The following STK36 variants were observed in gnomAD, a reference collection of about 807,000 sequenced individuals.
STK36 encodes serine/threonine-protein kinase 36.
Under a neutral mutation model 142.2 loss-of-function variants are expected in STK36, and 116 were observed. That is an observed-to-expected ratio of 0.82 (90% confidence interval 0.70 to 0.95). STK36 has a LOEUF of 0.95. Among genes scored for constraint, STK36 ranks in the 40% least tolerant of loss-of-function variants. The probability of loss-of-function intolerance (pLI) is 0.00; values close to 1 mark genes in which losing one functional copy is unlikely to be tolerated. For missense variants in STK36, 1,422 were observed against 1,617.2 expected (o/e 0.88, Z 2.07); for synonymous variants, 619 against 641.7 (o/e 0.96, Z 0.53).
rs1444290837 is a variant in STK36, at chr2:218,698,843, T to C, written c.3299T>C (p.Ile1100Thr). ...CTGTCTCCCAGCCACTTGTCCTTTA[T>C]CCAAGAGCTTCTGGCTGGCTCTGAT... ...RVLSPSHLSF[I>T]QELLAGSDES... Residue 1100 changes from isoleucine (I) to threonine (T), a missense_variant, in exon 26 of 27, where the codon ATC becomes ACC. Coordinates refer to ENST00000295709, the MANE Select transcript of STK36 (RefSeq NM_015690.5). 6.2e-7 allele frequency: 1 copy of C among 1,614,210 alleles called. No homozygotes were observed. The highest frequency in any genetic ancestry group is 1.7e-5 in the Admixed American group (1 of 60,030).
At chr2:218,686,619 G>A (rs773819159) in intron 11 of STK36, among the ~76,000 whole-genome samples, 3 of 152,194 alleles carry the variant, frequency 2.0e-5, no homozygotes, top group East Asian at 1.9e-4. Flanking sequence ...TTAGTATTCC[G>A]TTATATGGAT....
At chr2:218,701,810 A>G (rs1291201406) in intron 26 of STK36, 56 bp from the exon 27 acceptor site, 2 of 1,597,678 alleles carry the variant, frequency 1.3e-6, no homozygotes, top group Admixed American at 1.7e-5. Flanking sequence ...CCTGCCCCAG[A>G]CACCACCATT....
At chr2:218,672,982 A>G in intron 2 of STK36, 69 bp downstream of exon 2, 2 of 1,384,782 alleles carry the variant, frequency 1.4e-6, no homozygotes, top group Middle Eastern at 1.8e-4. Context: ...AAATGGATCT[A>G]GAAGGAATGT....
chr2:218,699,155 C>T lies in STK36; in HGVS notation c.3611C>T (p.Pro1204Leu). ...VPSMTQLLGD[P>L]QAGIRRNVAS... ...AGTATGACCCAGCTGCTTGGAGATC[C>T]TCAGGCTGGTATCCGGCGCAATGTT... Residue 1204 changes from proline to leucine, a missense_variant, in exon 26 of 27, where the codon CCT (proline) becomes CTT (leucine). Physicochemically the swap from Pro to Leu is moderately conservative, Grantham distance 98 (BLOSUM62 -3). Coordinates refer to ENST00000295709, the MANE Select transcript of STK36 (RefSeq NM_015690.5). 1 of 1,614,114 alleles carries T rather than the reference C, an allele frequency of 6.2e-7. No individual in the cohort carries two copies. Among genetic ancestry groups the T allele is most frequent in the Non-Finnish European group, 8.5e-7 (1 of 1,180,014 alleles).
intron 10 of STK36, among the ~76,000 whole-genome samples, chr2:218,681,129 G>GT (rs544336140): frequency 0.047 from 6,233 of 133,528 alleles, 386 homozygotes; most frequent in African/African-American, 0.15. Context: ...TACCACAATC[G>GT]TTTTTTTTTT....
At position 218,679,235 on chromosome 2, in the gene STK36, A is replaced by G. The variant is rs1940391115; in HGVS notation, c.752A>G (p.His251Arg). Residue 251 changes from histidine (H) to arginine (R), a missense_variant, in exon 7 of 27, where the codon CAC (histidine) becomes CGC (arginine). Coordinates refer to ENST00000295709, the MANE Select transcript of STK36 (RefSeq NM_015690.5). The part of the protein sequence containing the change: ...QRLSWPDLLY[H>R]PFIAGHVTII... The stretch of plus-strand genomic sequence containing the variant: ...CTGTCCTGGCCAGACCTCTTATATC[A>G]CCCCTTTATTGCTGGTCATGTCACC... The G allele has an allele frequency of 6.8e-6, 11 of 1,613,932 alleles. No individual in the cohort carries two copies. Among genetic ancestry groups the G allele is most frequent in the South Asian group, 4.4e-5 (4 of 91,074 alleles).
intron 10 of STK36, chr2:218,684,840 A>G (rs1940706494): frequency 2.5e-6 from 1 of 402,950 alleles, no homozygotes; most frequent in African/African-American, 2.0e-5. Flanking sequence ...ACCATGCTGC[A>G]GCGGACGTCT....
intron 22 of STK36, 91 bp downstream of exon 22, chr2:218,696,692 C>A: frequency 3.1e-6 from 4 of 1,303,812 alleles, no homozygotes; most frequent in African/African-American, 1.5e-5. Context: ...AAGAAGCAAC[C>A]CACAGCCTTC....
At chr2:218,695,295 G>A (rs574607523) in intron 21 of STK36, among the ~76,000 whole-genome samples, 99 of 141,904 alleles carry the variant, frequency 7.0e-4, no homozygotes, top group African/African-American at 2.5e-3. Flanking sequence ...GCGCGATCTC[G>A]GCTCACCGCA....
At position 218,692,609 on chromosome 2, in the gene STK36, C is replaced by T. The variant is rs1451071700; in HGVS notation, c.1942C>T (p.Arg648Ter). 1.2e-5 allele frequency: 20 copies of T among 1,613,168 alleles called. No homozygotes were observed. The highest frequency in any genetic ancestry group is 1.3e-5 in the African/African-American group (1 of 74,920). ...QGAPQVSQPLREQSEDIPGAI... is the reference protein window; with the variant it reads ...QGAPQVSQPL ...AGCCCCGCAAGTGAGCCAGCCACTG[C>T]GAGAGCAGAGTGAGGATATACCTGG... The change falls in exon 16 of 27, where the codon CGA becomes TGA. Residue 648 changes from arginine (R) to a stop codon, truncating the protein, a stop_gained. Coordinates refer to ENST00000295709, the MANE Select transcript of STK36 (RefSeq NM_015690.5). LOFTEE classifies it high-confidence loss of function.
chr2:218,692,795 A>AAAG (rs749513675), intron 16 of STK36, 85 bp downstream of exon 16: 9 of 1,493,580 alleles, frequency 6.0e-6, no homozygotes, highest in Non-Finnish European at 8.0e-6. Flanking sequence ...AAGGCAGAAA[A>AAAG]ACAAGCTTTT....
rs1940003877 is a variant in STK36, at chr2:218,672,090, G to T, written c.-215G>T. On this transcript the variant is annotated 5_prime_UTR_variant, in exon 1 of 27. Transcript: ENST00000295709. ...AACCGCAGACTCCGGGTCCTTAGCC[G>T]GGCCTGATGGCCCTGAGGCAGTTCG... The T allele has an allele frequency of 1.6e-6, 2 of 1,272,040 alleles. No homozygotes were observed. The highest frequency in any genetic ancestry group is 2.5e-5 in the East Asian group (1 of 40,368). 78.8% of individuals were successfully genotyped at this position (1,272,040 alleles called of 1,614,324 possible).
At chr2:218,681,073 C>T (rs1023803533) in intron 10 of STK36, among the ~76,000 whole-genome samples, 10 of 150,744 alleles carry the variant, frequency 6.6e-5, no homozygotes, top group African/African-American at 2.2e-4. Context: ...ATCATACCTC[C>T]TTCACTGTAT....
At chr2:218,675,848 C>G (rs1293966483) in intron 5 of STK36, among the ~76,000 whole-genome samples, 181 bp from the exon 6 acceptor site, 2 of 152,118 alleles carry the variant, frequency 1.3e-5, no homozygotes, top group African/African-American at 4.8e-5. Flanking sequence ...AGACCATACT[C>G]TTGACTTATT....
chr2:218,675,451 G>A lies in STK36; in HGVS notation c.412G>A (p.Gly138Ser). 6.2e-7 allele frequency: 1 copy of A among 1,612,940 alleles called. No individual in the cohort carries two copies. Among genetic ancestry groups the A allele is most frequent in the Non-Finnish European group, 8.5e-7 (1 of 1,179,736 alleles). The change falls in exon 5 of 27, where the codon GGC (glycine) becomes AGC (serine). Residue 138 changes from glycine to serine, a missense_variant. By Grantham distance (56) the Gly-to-Ser change is moderately conservative. Coordinates refer to ENST00000295709, the MANE Select transcript of STK36 (RefSeq NM_015690.5). ...PQNILLAKGG[G>S]IKLCDFGFAR... The stretch of plus-strand genomic sequence containing the variant: ...GAACATCCTCCTCGCCAAGGGTGGT[G>A]GCATCAAGCTCTGTGACTTTGGGTA...
chr2:218,690,993 T>C (rs1050104992), intron 14 of STK36, among the ~76,000 whole-genome samples: 1 of 152,052 alleles, frequency 6.6e-6, no homozygotes, highest in Non-Finnish European at 1.5e-5. Flanking sequence ...AAGAGTAACA[T>C]ATATAAAGGC....
intron 6 of STK36, among the ~76,000 whole-genome samples, chr2:218,676,864 A>G (rs184869363): frequency 0.035 from 5,386 of 151,908 alleles, 309 homozygotes; most frequent in African/African-American, 0.12. Context: ...GTTAGCCAGC[A>G]TGGTCTTGAT....
At chr2:218,701,073 C>T (rs956048616) in intron 26 of STK36, among the ~76,000 whole-genome samples, 1 of 150,296 alleles carries the variant, frequency 6.7e-6, no homozygotes, top group Non-Finnish European at 1.5e-5. Flanking sequence ...TAAATTATGA[C>T]ATCTCAAAGT....
In STK36 at chr2:218,672,891, G is replaced by A. The variant is rs1301522010; in HGVS notation, c.62G>A (p.Gly21Asp). ...GEGSFGRVYKGRRKYSAQVVA... is the reference protein window; with the variant it reads ...GEGSFGRVYKDRRKYSAQVVA... ...GGCTCTTTTGGGAGGGTGTACAAGG[G>A]TCGAAGAAAATACAGTGCTCAGGTG... Residue 21 changes from glycine (G) to aspartate (D), a missense_variant, in exon 2 of 27, where the codon GGT becomes GAT. By Grantham distance (94) the Gly-to-Asp change is moderately conservative. This residue lies in a region of STK36 where 460 missense variants were observed against 449.6 expected (regional missense o/e 1.02). Coordinates refer to ENST00000295709, the MANE Select transcript of STK36 (RefSeq NM_015690.5). 1.9e-6 allele frequency: 3 copies of A among 1,613,988 alleles called. No homozygotes were observed. The highest frequency in any genetic ancestry group is 1.3e-5 in the African/African-American group (1 of 74,900).
Sources: gnomAD v4.1 joint callset for allele counts (sites outside exome capture counted in the v4.1 genomes callset) on GRCh38, gnomAD v4.1.1 for gene constraint, gnomAD v4.1.1 regional missense constraint, MANE v1.5 for transcripts, NCBI Gene and HGNC (gene_info 2026-07-23, HGNC 2026-07-21) for gene names.